Variants in MRPL52 observed in about 807,000 individuals in gnomAD.
The protein encoded by MRPL52 is mitochondrial ribosomal protein L52.
Under a neutral mutation model 22.1 loss-of-function variants are expected in MRPL52, and 19 were observed. That is an observed-to-expected ratio of 0.86 (90% confidence interval 0.60 to 1.26). The LOEUF (loss-of-function observed/expected upper bound fraction) is 1.26. Among genes scored for constraint, MRPL52 ranks in the 50% most tolerant of loss-of-function variants. The pLI is 0.00. For synonymous variants in MRPL52, 50 were observed against 57.5 expected (o/e 0.87, Z 0.59); for missense variants, 152 against 148.1 (o/e 1.03, Z -0.14).
rs369393430 is a variant in MRPL52, at chr14:22,834,206, C to T, written c.254C>T (p.Ala85Val). The change falls in exon 5 of 5, where the codon GCT (alanine) becomes GTT (valine). Residue 85 changes from alanine (A) to valine (V), a missense_variant. Ala to Val is a moderately conservative substitution (Grantham distance 64, BLOSUM62 0). Coordinates refer to ENST00000397496, the MANE Select transcript of MRPL52 (RefSeq NM_180982.3). ...GTACTGCTGTCACAGGAAATGGACG[C>T]TGGATTACAAGCATGGCAGCTCAGG... ...RVVLLSQEMD[A>V]GLQAWQLRQQ... 6 of 1,614,038 alleles carry T rather than the reference C, an allele frequency of 3.7e-6. No homozygotes were observed. In the African/African-American group the frequency reaches 8.0e-5, roughly 22 times the overall value.
In MRPL52 at chr14:22,830,037, T is replaced by C; in HGVS notation, c.29-16T>C. The C allele has an allele frequency of 6.2e-7, 1 of 1,614,010 alleles. No homozygotes were observed. On this transcript the variant is annotated splice_polypyrimidine_tract_variant and intron_variant, in intron 1 of 4. Transcript: ENST00000397496. ...TGCGCGGCCTCTCCCCCAACTCTGC[T>C]CTGTTCTCCCAGCAGGTGTCCGGAG...
chr14:22,833,600 TAAC>T, intron 4 of MRPL52, 118 bp downstream of exon 4: 1 of 704,754 alleles, frequency 1.4e-6, no homozygotes, highest in African/African-American at 1.8e-5. Flanking sequence ...GTTTTATTAA[TAAC>T]AGCCAAAGGT....
rs542303636 is a variant in MRPL52 at position 22,833,184 on chromosome 14, T to A, written c.155-234T>A. The A allele has an allele frequency of 8.9e-5, 37 of 415,332 alleles. No individual in the cohort carries two copies. The Admixed American group carries it at 1.4e-3, about 16-fold the overall frequency. 25.7% of individuals were successfully genotyped at this position (415,332 alleles called of 1,614,324 possible). The stretch of plus-strand genomic sequence containing the variant: ...AGAGCGAGACTGTCTCAAAAAATAA[T>A]AAATAAATGAAATAAAATGAAATAG... On this transcript the variant is annotated intron_variant, in intron 3 of 4. Transcript: ENST00000397496.
In MRPL52 at chr14:22,832,434, G is replaced by A. The variant is rs140413675; in HGVS notation, c.155-984G>A. 5.1e-3 allele frequency among the ~76,000 whole-genome samples: 777 copies of A among 151,978 alleles called. 4 individuals carry two copies. The highest frequency in any genetic ancestry group is 0.018 in the African/African-American group (748 of 41,438). The stretch of plus-strand genomic sequence containing the variant: ...TGGCTCACTGCAAGCTCAGCCTCCC[G>A]GGTTCAGGCCATTCTCATGCCTCAG... On this transcript the variant is annotated intron_variant, in intron 3 of 4. Transcript: ENST00000397496.
intron 3 of MRPL52, among the ~76,000 whole-genome samples, chr14:22,832,441 G>C (rs1338696210): frequency 2.0e-5 from 3 of 151,890 alleles, no homozygotes; most frequent in Non-Finnish European, 4.4e-5. Flanking sequence ...CCCGGGTTCA[G>C]GCCATTCTCA....
In MRPL52 at chr14:22,831,088, T is replaced by C. The variant is rs547393196; in HGVS notation, c.154+834T>C. The C allele has an allele frequency of 6.0e-4, 363 of 600,266 alleles. 5 individuals carry two copies. The highest frequency in any genetic ancestry group is 5.7e-3 in the South Asian group (343 of 60,628). The allele number at this position is 600,266 out of a possible 1,614,324, so 37.2% of individuals were successfully genotyped here. On this transcript the variant is annotated intron_variant, in intron 3 of 4. Coordinates refer to ENST00000397496, the MANE Select transcript of MRPL52 (RefSeq NM_180982.3). ...GTAGTATGGACTATTGGAAAGACTCTGGAATTACATATGACTGCTTTTTTT... is the reference window on the plus strand; with the variant it reads ...GTAGTATGGACTATTGGAAAGACTCCGGAATTACATATGACTGCTTTTTTT...
chr14:22,833,507 G>A (rs1230781146), intron 4 of MRPL52, 25 bp downstream of exon 4: 4 of 1,572,662 alleles, frequency 2.5e-6, no homozygotes, highest in Non-Finnish European at 8.8e-7. Context: ...CAACAGCCAG[G>A]GCTACCTGGA....
intron 4 of MRPL52, 91 bp from the exon 5 acceptor site, chr14:22,834,081 A>C (rs1233656808): frequency 7.0e-7 from 1 of 1,438,420 alleles, no homozygotes; most frequent in Non-Finnish European, 9.4e-7. Context: ...GTCATTTTCC[A>C]GATGAAACCT....
At chr14:22,830,807 G>A (rs2039591170) in intron 3 of MRPL52, 1 of 569,144 alleles carries the variant, frequency 1.8e-6, no homozygotes, top group Admixed American at 3.3e-5. Flanking sequence ...TTCTCCTTAT[G>A]AGACTCCAGT....
chr14:22,833,289 A>G, intron 3 of MRPL52, 129 bp from the exon 4 acceptor site: 2 of 660,544 alleles, frequency 3.0e-6, no homozygotes, highest in Non-Finnish European at 2.7e-6. Context: ...AGGATAATTA[A>G]GCTACAATGT....
In MRPL52 at chr14:22,834,357, T is replaced by C. The variant is rs757349395; in HGVS notation, c.*36T>C. The C allele has an allele frequency of 7.6e-6, 12 of 1,582,002 alleles. No homozygotes were observed. The highest frequency in any genetic ancestry group is 9.4e-6 in the Non-Finnish European group (11 of 1,166,426). ...CTGCCTCCCTTCCTCACCCTGTCTC[T>C]GGATTTCTTTTCTATCACCTAGATG... On this transcript the variant is annotated 3_prime_UTR_variant, in exon 5 of 5. Transcript: ENST00000397496.
Position 22,833,401 on chromosome 14 carries a change from C to T in MRPL52, c.155-17C>T. The stretch of plus-strand genomic sequence containing the variant: ...TCCATCTCTAACACTTGACTTTTCT[C>T]TCACTTCTACTTGTAGATGGCCGCC... On this transcript the variant is annotated splice_polypyrimidine_tract_variant and intron_variant, in intron 3 of 4. Transcript: ENST00000397496. 1.9e-6 allele frequency: 3 copies of T among 1,593,096 alleles called. No individual in the cohort carries two copies. The highest frequency in any genetic ancestry group is 1.7e-4 in the Middle Eastern group (1 of 6,026).
chr14:22,830,358 GT>G, intron 3 of MRPL52, 104 bp downstream of exon 3: 1 of 1,204,014 alleles, frequency 8.3e-7, no homozygotes, highest in Non-Finnish European at 1.2e-6. Flanking sequence ...GTGTAAAAGT[GT>G]TTAACTTTTT....
chr14:22,830,441 T>A, intron 3 of MRPL52, 187 bp downstream of exon 3: 1 of 637,988 alleles, frequency 1.6e-6, no homozygotes, highest in Non-Finnish European at 2.7e-6. Flanking sequence ...CTAAGGAAGG[T>A]AAAGCTAAAC....
chr14:22,830,369 TA>T, intron 3 of MRPL52, 115 bp downstream of exon 3: 1 of 1,097,192 alleles, frequency 9.1e-7, no homozygotes, highest in Non-Finnish European at 1.4e-6. Context: ...TTTAACTTTT[TA>T]TTTGGAAAAC....
chr14:22,832,748 G>A (rs920849420), intron 3 of MRPL52, among the ~76,000 whole-genome samples: 1 of 152,060 alleles, frequency 6.6e-6, no homozygotes, highest in Non-Finnish European at 1.5e-5. Context: ...GTGTGGTGGT[G>A]CGCACCTGTA....
At chr14:22,832,295 A>T (rs1357061339) in intron 3 of MRPL52, among the ~76,000 whole-genome samples, 5 of 152,126 alleles carry the variant, frequency 3.3e-5, no homozygotes, top group Admixed American at 6.6e-5. Context: ...TAGCAAAGGT[A>T]CATAGAACAA....
At chr14:22,833,013 A>C (rs1368813404) in intron 3 of MRPL52, among the ~76,000 whole-genome samples, 1 of 151,818 alleles carries the variant, frequency 6.6e-6, no homozygotes, top group Non-Finnish European at 1.5e-5. Context: ...TCCCGTCTCT[A>C]CTAAAAATAC....
chr14:22,830,908 GTCC>G, intron 3 of MRPL52: 1 of 1,261,492 alleles, frequency 7.9e-7, no homozygotes, highest in Non-Finnish European at 1.1e-6. Context: ...ACATAGGCCA[GTCC>G]TCCTTGACAA....
Sources: gnomAD v4.1 joint callset for allele counts (sites outside exome capture counted in the v4.1 genomes callset) on GRCh38, gnomAD v4.1.1 for gene constraint, MANE v1.5 for transcripts, NCBI Gene and HGNC (gene_info 2026-07-23, HGNC 2026-07-21) for gene names.